KCNQ3: variants seen among roughly 807,000 people sequenced by gnomAD.
KCNQ3 encodes the protein potassium voltage-gated channel subfamily Q member 3, also known as potassium voltage-gated channel subfamily KQT member 3.
KCNQ3 carries 30 observed loss-of-function variants against 92.5 expected under a neutral mutation model. The ratio of observed to expected loss-of-function variants is 0.32; its 90% confidence interval spans 0.24 to 0.44. The LOEUF (loss-of-function observed/expected upper bound fraction) is 0.44, where lower values mean the gene tolerates loss of function less well. Among genes scored for constraint, KCNQ3 ranks in the 20% least tolerant of loss-of-function variants. KCNQ3 has a pLI of 1.00. For missense variants in KCNQ3, 913 were observed against 1,140.3 expected (o/e 0.80, Z 2.87); for synonymous variants, 450 against 468.8 (o/e 0.96, Z 0.52).
chr8:132,270,775 A>G (rs929086945), intron 1 of KCNQ3, among the ~76,000 whole-genome samples: 2 of 152,340 alleles, frequency 1.3e-5, no homozygotes, highest in African/African-American at 4.8e-5. Context: ...TACAGAAACA[A>G]TTTGCCAACC....
intron 12 of KCNQ3, among the ~76,000 whole-genome samples, chr8:132,136,108 G>A (rs1305713031): frequency 1.3e-4 from 13 of 98,050 alleles, no homozygotes; most frequent in African/African-American, 5.7e-4. Context: ...GACAGAGTGA[G>A]ACTCCATCTC....
At chr8:132,134,458 T>C (rs1033242005) in intron 12 of KCNQ3, 70 bp from the exon 13 acceptor site, 3 of 1,105,596 alleles carry the variant, frequency 2.7e-6, no homozygotes, top group African/African-American at 1.5e-5. Context: ...CAAATCATTC[T>C]ATTCTCTCTA....
intron 1 of KCNQ3, among the ~76,000 whole-genome samples, chr8:132,205,232 G>A (rs892809367): frequency 6.6e-6 from 1 of 152,226 alleles, no homozygotes; most frequent in Non-Finnish European, 1.5e-5. Flanking sequence ...AGCACCAAGA[G>A]AGAAGCTTAC....
intron 1 of KCNQ3, among the ~76,000 whole-genome samples, chr8:132,248,639 C>G (rs775049488): frequency 2.0e-5 from 3 of 152,138 alleles, no homozygotes; most frequent in Non-Finnish European, 4.4e-5. Flanking sequence ...ACTTGTCTTT[C>G]CACTCCCATA....
intron 1 of KCNQ3, among the ~76,000 whole-genome samples, chr8:132,324,108 TC>T (rs1342011895): frequency 9.2e-5 from 14 of 152,306 alleles, no homozygotes; most frequent in African/African-American, 3.4e-4. Flanking sequence ...TGTAATTCCC[TC>T]TGGATAATTT....
chr8:132,324,289 C>A (rs1817978387), intron 1 of KCNQ3, among the ~76,000 whole-genome samples: 1 of 152,248 alleles, frequency 6.6e-6, no homozygotes, highest in East Asian at 1.9e-4. Flanking sequence ...AATGTCCTTC[C>A]TTGGATCCTC....
intron 1 of KCNQ3, among the ~76,000 whole-genome samples, chr8:132,440,997 A>T (rs1821522365): frequency 6.6e-6 from 1 of 152,184 alleles, no homozygotes; most frequent in African/African-American, 2.4e-5. Context: ...TTAACTCTCT[A>T]TTCTTATCAC....
In KCNQ3 at chr8:132,437,849, G is replaced by T. The variant is rs538796876; in HGVS notation, c.386+42298C>A. Reference sequence around the variant, plus strand: ...ACTCTACTGAGGTTTTTCTTTCATAGATCTTTAAAATAATTGTTCACAGCA... The same window carrying T: ...ACTCTACTGAGGTTTTTCTTTCATATATCTTTAAAATAATTGTTCACAGCA... On this transcript the variant is annotated intron_variant, in intron 1 of 14. Coordinates refer to ENST00000388996, the MANE Select transcript of KCNQ3 (RefSeq NM_004519.4). Among the ~76,000 whole-genome samples, 10 of 152,260 alleles carry T rather than the reference G, an allele frequency of 6.6e-5. No homozygotes were observed. In the East Asian group the frequency reaches 1.9e-3, roughly 29 times the overall value.
intron 1 of KCNQ3, among the ~76,000 whole-genome samples, chr8:132,312,429 G>A (rs1817622104): frequency 6.6e-6 from 1 of 152,160 alleles, no homozygotes; most frequent in African/African-American, 2.4e-5. Context: ...TCTGGGGGAT[G>A]CAGCTACCAC....
intron 1 of KCNQ3, among the ~76,000 whole-genome samples, chr8:132,324,023 T>C (rs1193274455): frequency 6.6e-6 from 1 of 152,344 alleles, no homozygotes; most frequent in East Asian, 1.9e-4. Flanking sequence ...AATTCCACAC[T>C]GCTTACGGTT....
At chr8:132,463,117 C>T (rs987785338) in intron 1 of KCNQ3, among the ~76,000 whole-genome samples, 3 of 152,208 alleles carry the variant, frequency 2.0e-5, no homozygotes, top group Non-Finnish European at 4.4e-5. Flanking sequence ...ATGTTCACAT[C>T]TATGAAAGAA....
Position 132,130,001 on chromosome 8 carries a change from A to C in KCNQ3, c.1885-5T>G. ...CTTCTTCCCCATGTCCTGAACCTGG[A>C]AAATCAAAGGAGCTGTGAATTACCA... On this transcript the variant is annotated splice_polypyrimidine_tract_variant and splice_region_variant and intron_variant, in intron 14 of 14. Coordinates refer to ENST00000388996, the MANE Select transcript of KCNQ3 (RefSeq NM_004519.4). The C allele has an allele frequency of 6.2e-7, 1 of 1,612,984 alleles. No individual in the cohort carries two copies. The highest frequency in any genetic ancestry group is 8.5e-7 in the Non-Finnish European group (1 of 1,179,988).
rs1824640948 is a variant in KCNQ3, at chr8:132,125,617, A to T, written c.*3645T>A. ...ATTATGAGGATGATTTTGCCAAATT[A>T]TGAGTAGGTCCTATTAGATTAGGTT... On this transcript the variant is annotated 3_prime_UTR_variant, in exon 15 of 15. Transcript: ENST00000388996. 1 of 152,216 alleles carries T rather than the reference A, an allele frequency of 6.6e-6. No homozygotes were observed. Among genetic ancestry groups the T allele is most frequent in the Non-Finnish European group, 1.5e-5 (1 of 68,038 alleles). The allele number at this position is 152,216 out of a possible 1,614,324, so 9.4% of individuals were successfully genotyped here.
At chr8:132,385,942 A>G (rs1347882794) in intron 1 of KCNQ3, among the ~76,000 whole-genome samples, 1 of 152,180 alleles carries the variant, frequency 6.6e-6, no homozygotes. Context: ...GGGCAAAAAA[A>G]AAATCAAGTC....
chr8:132,256,449 A>G (rs947574522), intron 1 of KCNQ3, among the ~76,000 whole-genome samples: 3 of 152,202 alleles, frequency 2.0e-5, no homozygotes, highest in Non-Finnish European at 2.9e-5. Context: ...TTGAAGAAAT[A>G]TGGCTGAAAA....
chr8:132,377,112 C>T (rs1819631880), intron 1 of KCNQ3, among the ~76,000 whole-genome samples: 1 of 152,166 alleles, frequency 6.6e-6, no homozygotes, highest in Admixed American at 6.5e-5. Flanking sequence ...GAAGAGATTA[C>T]CACTTGAATC....
At chr8:132,393,194 C>A (rs1379754223) in intron 1 of KCNQ3, among the ~76,000 whole-genome samples, 1 of 152,206 alleles carries the variant, frequency 6.6e-6, no homozygotes, top group Non-Finnish European at 1.5e-5. Context: ...TAGCCATCCA[C>A]TCTACCTCCC....
At chr8:132,249,040 T>C (rs890879122) in intron 1 of KCNQ3, among the ~76,000 whole-genome samples, 1 of 152,182 alleles carries the variant, frequency 6.6e-6, no homozygotes, top group Non-Finnish European at 1.5e-5. Flanking sequence ...TCGGAGTTTC[T>C]TCCTTCTGGT....
At chr8:132,165,933 A>T (rs1436498429) in intron 8 of KCNQ3, among the ~76,000 whole-genome samples, 2 of 152,210 alleles carry the variant, frequency 1.3e-5, no homozygotes, top group African/African-American at 2.4e-5. Context: ...AGCAGATCCA[A>T]TGTTATTTGG....
Sources: allele counts gnomAD v4.1 joint callset (sites outside exome capture counted in the v4.1 genomes callset), GRCh38; gene constraint gnomAD v4.1.1; transcripts MANE v1.5; gene names NCBI Gene and HGNC (gene_info 2026-07-23, HGNC 2026-07-21).